Variants in PRKAG2 observed in about 807,000 individuals in gnomAD.
PRKAG2 encodes the protein 5'-AMP-activated protein kinase subunit gamma-2.
A neutral mutation model predicts 69.6 loss-of-function variants in PRKAG2; 26 were observed. The observed-to-expected ratio is 0.37, with a 90% CI of 0.27 to 0.52. The LOEUF (loss-of-function observed/expected upper bound fraction) is 0.52. PRKAG2 is among the 20% of genes least tolerant of loss of function. The probability of loss-of-function intolerance (pLI) is 0.90; values close to 1 mark genes in which losing one functional copy is unlikely to be tolerated. For synonymous variants in PRKAG2, 293 were observed against 285.0 expected (o/e 1.03, Z -0.28); for missense variants, 557 against 740.0 (o/e 0.75, Z 2.87).
intron 1 of PRKAG2, among the ~76,000 whole-genome samples, chr7:151,872,345 T>C (rs1222930300): frequency 2.0e-5 from 3 of 152,210 alleles, no homozygotes; most frequent in African/African-American, 7.2e-5. Flanking sequence ...CCGTTTCCCA[T>C]CACTCCACTC....
At chr7:151,867,463 C>T (rs1168047146) in intron 1 of PRKAG2, among the ~76,000 whole-genome samples, 6 of 152,322 alleles carry the variant, frequency 3.9e-5, no homozygotes, top group African/African-American at 1.4e-4. Flanking sequence ...GCAATCTCTG[C>T]CTCCGCCCTC....
At chr7:151,737,199 C>A (rs1432305773) in intron 3 of PRKAG2, among the ~76,000 whole-genome samples, 2 of 151,924 alleles carry the variant, frequency 1.3e-5, no homozygotes, top group African/African-American at 2.4e-5. Flanking sequence ...AAGACAAGAC[C>A]AGGTCATTTT....
intron 4 of PRKAG2, among the ~76,000 whole-genome samples, chr7:151,634,810 G>A (rs1825439687): frequency 6.6e-6 from 1 of 152,056 alleles, no homozygotes; most frequent in South Asian, 2.1e-4. Flanking sequence ...AAACCACAAT[G>A]AGATACTACT....
chr7:151,794,101 C>A (rs1207305743), intron 1 of PRKAG2, among the ~76,000 whole-genome samples: 4 of 152,196 alleles, frequency 2.6e-5, no homozygotes, highest in African/African-American at 7.2e-5. Flanking sequence ...GTTCCCACAA[C>A]CGCCTCGGGG....
chr7:151,755,333 G>T (rs949717016), intron 3 of PRKAG2, among the ~76,000 whole-genome samples: 4 of 152,170 alleles, frequency 2.6e-5, no homozygotes, highest in African/African-American at 9.6e-5. Flanking sequence ...AGGGCCTAGG[G>T]GACATGCTCA....
At chr7:151,848,132 T>A (rs2079479163) in intron 1 of PRKAG2, among the ~76,000 whole-genome samples, 1 of 152,208 alleles carries the variant, frequency 6.6e-6, no homozygotes, top group Non-Finnish European at 1.5e-5. Flanking sequence ...AACCTTTGGA[T>A]AAATACTGCT....
intron 1 of PRKAG2, among the ~76,000 whole-genome samples, chr7:151,798,191 A>C (rs2077657779): frequency 6.6e-6 from 1 of 152,010 alleles, no homozygotes; most frequent in African/African-American, 2.4e-5. Flanking sequence ...TTTAGTAGAG[A>C]TGGGGTTTCA....
chr7:151,651,633 A>G (rs1436454594), intron 4 of PRKAG2, among the ~76,000 whole-genome samples: 4 of 152,054 alleles, frequency 2.6e-5, no homozygotes, highest in Non-Finnish European at 4.4e-5. Context: ...CAAAAATGCA[A>G]GATAGATGGA....
intron 3 of PRKAG2, among the ~76,000 whole-genome samples, chr7:151,730,370 C>A (rs1798735444): frequency 6.6e-6 from 1 of 152,168 alleles, no homozygotes; most frequent in Non-Finnish European, 1.5e-5. Flanking sequence ...CTTCTGTATT[C>A]TTTCGAAAAT....
intron 1 of PRKAG2, among the ~76,000 whole-genome samples, chr7:151,871,027 A>G (rs1159253059): frequency 6.6e-6 from 1 of 152,112 alleles, no homozygotes; most frequent in African/African-American, 2.4e-5. Flanking sequence ...AGTGTCCCCA[A>G]AGACTTCTGC....
rs10952323 is a variant in PRKAG2, at chr7:151,850,943, C to T, written c.114+25564G>A. On this transcript the variant is annotated intron_variant, in intron 1 of 15. Transcript: ENST00000287878. This position sits in a 1 kb window ranked among gnomAD's most constrained non-coding sequence, Gnocchi z 4.1. ...TGACCTTAGGCCAGTCACTTGAGCT[C>T]CAAGGCACGGCCCACAGGGGTACCC... Among the ~76,000 whole-genome samples the T allele has an allele frequency of 0.18, 26,876 of 152,140 alleles. 2,399 individuals carry two copies. The highest frequency in any genetic ancestry group is 0.29 in the East Asian group (1,474 of 5,156).
intron 3 of PRKAG2, among the ~76,000 whole-genome samples, chr7:151,776,932 C>A (rs958896998): frequency 6.6e-6 from 1 of 152,162 alleles, no homozygotes; most frequent in South Asian, 2.1e-4. Flanking sequence ...TGCTTCTGAG[C>A]CCCAGCCTCA....
chr7:151,672,144 C>G (rs1832146342), intron 4 of PRKAG2, among the ~76,000 whole-genome samples: 1 of 151,192 alleles, frequency 6.6e-6, no homozygotes, highest in African/African-American at 2.4e-5. Context: ...CTCTGTCGCC[C>G]AGGCTGGAGT....
intron 1 of PRKAG2, among the ~76,000 whole-genome samples, chr7:151,865,746 GCA>G (rs2080050265): frequency 6.6e-6 from 1 of 152,170 alleles, no homozygotes; most frequent in African/African-American, 2.4e-5. Context: ...GAGGCCGGGC[GCA>G]GTGGCTCACG....
intron 3 of PRKAG2, among the ~76,000 whole-genome samples, chr7:151,746,220 T>G (rs1317447246): frequency 6.6e-6 from 1 of 152,226 alleles, no homozygotes; most frequent in Non-Finnish European, 1.5e-5. Flanking sequence ...GGATTTCCAG[T>G]GTCTGGACCT....
intron 1 of PRKAG2, among the ~76,000 whole-genome samples, chr7:151,838,520 C>A (rs1042343607): frequency 6.6e-6 from 1 of 151,616 alleles, no homozygotes; most frequent in Non-Finnish European, 1.5e-5. Context: ...TCACCCTGGG[C>A]AACATGGTAA....
intron 1 of PRKAG2, among the ~76,000 whole-genome samples, chr7:151,857,194 G>C (rs141329046): frequency 2.7e-5 from 4 of 150,830 alleles, no homozygotes; most frequent in African/African-American, 9.7e-5. Context: ...AGCATCCTGC[G>C]GAAGACGGTG....
chr7:151,692,725 G>A (rs1020609733), intron 3 of PRKAG2, among the ~76,000 whole-genome samples: 2 of 152,158 alleles, frequency 1.3e-5, no homozygotes, highest in African/African-American at 4.8e-5. Context: ...GGCAGGGCTC[G>A]GATGGAGACG....
intron 6 of PRKAG2, among the ~76,000 whole-genome samples, chr7:151,578,894 A>C (rs1809670481): frequency 6.6e-6 from 1 of 152,258 alleles, no homozygotes; most frequent in African/African-American, 2.4e-5. Context: ...AGAAGAATAT[A>C]GTGGAAAAGT....
Sources: allele counts gnomAD v4.1 joint callset (sites outside exome capture counted in the v4.1 genomes callset), GRCh38; gene constraint gnomAD v4.1.1; non-coding constraint Gnocchi (gnomAD v3.1); transcripts MANE v1.5; gene names NCBI Gene and HGNC (gene_info 2026-07-23, HGNC 2026-07-21).